The following THRB variants were observed in gnomAD, a reference collection of about 807,000 sequenced individuals.
The protein encoded by THRB is thyroid hormone receptor beta.
THRB carries 12 observed loss-of-function variants against 47.8 expected under a neutral mutation model. The ratio of observed to expected loss-of-function variants is 0.25; its 90% confidence interval spans 0.16 to 0.41. The LOEUF (loss-of-function observed/expected upper bound fraction) is 0.41, where lower values mean the gene tolerates loss of function less well. THRB is among the 10% of genes least tolerant of loss of function. The pLI is 1.00. For synonymous variants in THRB, 218 were observed against 212.2 expected (o/e 1.03, Z -0.24); for missense variants, 348 against 589.2 (o/e 0.59, Z 4.24).
chr3:24,124,575 C>A (rs904466017), intron 10 of THRB, among the ~76,000 whole-genome samples: 2 of 152,170 alleles, frequency 1.3e-5, no homozygotes, highest in African/African-American at 4.8e-5. Context: ...TTGAATCACA[C>A]TGAACAGGTT....
intron 5 of THRB, among the ~76,000 whole-genome samples, chr3:24,187,069 A>C (rs1365767084): frequency 1.3e-5 from 2 of 152,194 alleles, no homozygotes; most frequent in East Asian, 3.9e-4. Context: ...GTGAAAGACT[A>C]TTTTAAAAAT....
At chr3:24,299,632 T>C (rs9842492) in intron 2 of THRB, among the ~76,000 whole-genome samples, 1,491 of 146,770 alleles carry the variant, frequency 0.01, 22 homozygotes, top group African/African-American at 0.034. Flanking sequence ...GTTTCTGTGG[T>C]CATAAAAACT....
At chr3:24,274,587 CTCTT>C in intron 3 of THRB, among the ~76,000 whole-genome samples, 1 of 152,164 alleles carries the variant, frequency 6.6e-6, no homozygotes, top group Middle Eastern at 3.4e-3. Flanking sequence ...TTTCCCTTCT[CTCTT>C]TCTTGTCTAT....
At chr3:24,349,145 C>T (rs549107077) in intron 1 of THRB, among the ~76,000 whole-genome samples, 1 of 151,912 alleles carries the variant, frequency 6.6e-6, no homozygotes, top group African/African-American at 2.4e-5. Flanking sequence ...CTTTAAAATC[C>T]ATTTTTAAAA....
chr3:24,411,983 G>A (rs572009667), intron 1 of THRB, among the ~76,000 whole-genome samples: 3 of 151,884 alleles, frequency 2.0e-5, no homozygotes, highest in Non-Finnish European at 2.9e-5. Context: ...TTTTCAGGAC[G>A]TTTCTAAATA....
At chr3:24,493,855 C>T (rs1395103604) in intron 1 of THRB, among the ~76,000 whole-genome samples, 1 of 152,216 alleles carries the variant, frequency 6.6e-6, no homozygotes, top group African/African-American at 2.4e-5. Flanking sequence ...GGGAAATCCT[C>T]CCCCAAAGTG....
chr3:24,273,488 T>C (rs967979256), intron 3 of THRB, among the ~76,000 whole-genome samples: 1 of 152,082 alleles, frequency 6.6e-6, no homozygotes, highest in Admixed American at 6.6e-5. Context: ...TCAGAAAGAG[T>C]GGTCCCTGCT....
intron 1 of THRB, among the ~76,000 whole-genome samples, chr3:24,427,915 A>G (rs1392911412): frequency 6.6e-6 from 1 of 151,978 alleles, no homozygotes; most frequent in Non-Finnish European, 1.5e-5. Flanking sequence ...TTAGATTTGA[A>G]AATTTCCATT....
chr3:24,448,042 A>C (rs2072273656), intron 1 of THRB, among the ~76,000 whole-genome samples: 1 of 152,100 alleles, frequency 6.6e-6, no homozygotes, highest in Non-Finnish European at 1.5e-5. Flanking sequence ...GGTCAGCAAG[A>C]AGCAACTACT....
chr3:24,200,205 A>G (rs1253683085), intron 4 of THRB, among the ~76,000 whole-genome samples: 1 of 152,348 alleles, frequency 6.6e-6, no homozygotes, highest in Non-Finnish European at 1.5e-5. Flanking sequence ...TATCCTGTGC[A>G]AAAGTTCAGA....
At chr3:24,485,629 C>T (rs1697177202) in intron 1 of THRB, among the ~76,000 whole-genome samples, 1 of 152,202 alleles carries the variant, frequency 6.6e-6, no homozygotes, top group Non-Finnish European at 1.5e-5. Flanking sequence ...AAGGTCCTCG[C>T]CATCTGGCTC....
intron 4 of THRB, among the ~76,000 whole-genome samples, chr3:24,227,254 C>T (rs1237958680): frequency 6.6e-6 from 1 of 152,196 alleles, no homozygotes; most frequent in Non-Finnish European, 1.5e-5. Context: ...TGGCTACCTG[C>T]TGTCTGGTAT....
intron 1 of THRB, among the ~76,000 whole-genome samples, chr3:24,465,546 G>C (rs1372343615): frequency 6.6e-6 from 1 of 152,102 alleles, no homozygotes; most frequent in Non-Finnish European, 1.5e-5. Context: ...GGAATTACAG[G>C]CATGCACCAC....
chr3:24,460,296 G>A (rs2073581349), intron 1 of THRB, among the ~76,000 whole-genome samples: 1 of 151,922 alleles, frequency 6.6e-6, no homozygotes, highest in African/African-American at 2.4e-5. Context: ...ATGAATCTAT[G>A]GGTTTAAATT....
At chr3:24,467,378 G>A (rs1193287085) in intron 1 of THRB, among the ~76,000 whole-genome samples, 1 of 152,168 alleles carries the variant, frequency 6.6e-6, no homozygotes, top group Non-Finnish European at 1.5e-5. Context: ...CCTCCTCCCA[G>A]GAATCACGAA....
At chr3:24,279,192 C>T (rs970441948) in intron 3 of THRB, among the ~76,000 whole-genome samples, 3 of 151,992 alleles carry the variant, frequency 2.0e-5, no homozygotes, top group Admixed American at 1.3e-4. Flanking sequence ...ATTGGTACTT[C>T]GATTCCATAA....
chr3:24,164,700 C>T (rs1282329934), intron 5 of THRB, among the ~76,000 whole-genome samples: 1 of 152,162 alleles, frequency 6.6e-6, no homozygotes, highest in East Asian at 1.9e-4. Flanking sequence ...AACACCACAA[C>T]ACCTACCCGC....
chr3:24,299,777 A>ATTTT (rs1469621301), intron 2 of THRB, among the ~76,000 whole-genome samples: 1 of 41,584 alleles, frequency 2.4e-5, no homozygotes, highest in South Asian at 1.4e-3. Context: ...TTTTTTATTT[A>ATTTT]TTTATTTATT....
At chr3:24,372,058 A>G (rs1262020503) in intron 1 of THRB, among the ~76,000 whole-genome samples, 1 of 152,064 alleles carries the variant, frequency 6.6e-6, no homozygotes, top group Non-Finnish European at 1.5e-5. Flanking sequence ...ACCTTCACAC[A>G]TATTTGGACT....
Sources: allele counts gnomAD v4.1 joint callset (sites outside exome capture counted in the v4.1 genomes callset), GRCh38; gene constraint gnomAD v4.1.1; transcripts MANE v1.5; gene names NCBI Gene and HGNC (gene_info 2026-07-23, HGNC 2026-07-21).